SDK1: variants seen among roughly 807,000 people sequenced by gnomAD.
SDK1 encodes protein sidekick-1.
Under a neutral mutation model 245.5 loss-of-function variants are expected in SDK1, and 157 were observed. The observed-to-expected ratio is 0.64, with a 90% CI of 0.56 to 0.73. The LOEUF (loss-of-function observed/expected upper bound fraction) is 0.73, where lower values mean the gene tolerates loss of function less well. Among genes scored for constraint, SDK1 ranks in the 30% least tolerant of loss-of-function variants. The pLI, the probability that SDK1 is intolerant of heterozygous loss-of-function variation, is 0.00. For missense variants in SDK1, 3,583 were observed against 3,002.3 expected, an observed-to-expected ratio of 1.19 and a Z score of -4.52; for synonymous variants, 1,647 against 1,278.5, an observed-to-expected ratio of 1.29 and a Z score of -6.15.
chr7:4,079,631 T>G lies in SDK1; in HGVS notation c.3324+47T>G, dbSNP rs1233605413. On this transcript the variant is annotated intron_variant, in intron 22 of 44. Coordinates refer to ENST00000404826, the MANE Select transcript of SDK1 (RefSeq NM_152744.4). ...GAGCTGGCATTTGCGAAGAGCAGTG[T>G]TGGGGCCTGTGAATGAGTGGTACCC... The G allele has an allele frequency of 3.7e-6, 6 of 1,607,950 alleles. No individual in the cohort carries two copies. In the South Asian group the frequency reaches 6.6e-5, roughly 18 times the overall value.
At chr7:3,614,771 C>T (rs1483486578) in intron 1 of SDK1, among the ~76,000 whole-genome samples, 2 of 152,140 alleles carry the variant, frequency 1.3e-5, no homozygotes, top group African/African-American at 2.4e-5. Context: ...TTAATTTGAA[C>T]GCTTAAAATT....
chr7:3,473,376 G>T (rs905552322), intron 1 of SDK1, among the ~76,000 whole-genome samples: 1 of 152,156 alleles, frequency 6.6e-6, no homozygotes, highest in Non-Finnish European at 1.5e-5. Flanking sequence ...TAATTACTTG[G>T]CTTGTACCTT....
intron 44 of SDK1, among the ~76,000 whole-genome samples, chr7:4,258,914 G>A (rs1250193826): frequency 6.6e-6 from 1 of 152,194 alleles, no homozygotes; most frequent in African/African-American, 2.4e-5. Flanking sequence ...AATTTCTCGT[G>A]AGAAAAGTGA....
chr7:3,612,190 G>T (rs139006212), intron 1 of SDK1, among the ~76,000 whole-genome samples: 312 of 152,144 alleles, frequency 2.1e-3, no homozygotes, highest in Non-Finnish European at 3.8e-3. Flanking sequence ...CACCACTAAA[G>T]AACTTACTCG....
chr7:4,012,525 C>T (rs1037647579), intron 16 of SDK1, among the ~76,000 whole-genome samples: 1 of 114,904 alleles, frequency 8.7e-6, no homozygotes, highest in African/African-American at 3.2e-5. Flanking sequence ...GGGTTGGAAG[C>T]AAGGTATATT....
At chr7:3,325,113 CTT>C (rs750169876) in intron 1 of SDK1, among the ~76,000 whole-genome samples, 1 of 145,998 alleles carries the variant, frequency 6.8e-6, no homozygotes. Context: ...TACCAAACCA[CTT>C]TTTTTTTTTG....
At chr7:3,716,262 TG>T (rs1242925758) in intron 4 of SDK1, among the ~76,000 whole-genome samples, 4 of 151,188 alleles carry the variant, frequency 2.6e-5, no homozygotes, top group East Asian at 1.9e-4. Flanking sequence ...CTTTCTAAAT[TG>T]GGGGAAAAAA....
intron 5 of SDK1, among the ~76,000 whole-genome samples, chr7:3,906,143 T>A (rs556159805): frequency 6.6e-6 from 1 of 152,320 alleles, no homozygotes; most frequent in Admixed American, 6.5e-5. Context: ...TCTTACCTGA[T>A]GTTTGTCCTC....
intron 1 of SDK1, among the ~76,000 whole-genome samples, chr7:3,519,220 C>G (rs1434742422): frequency 6.6e-6 from 1 of 152,064 alleles, no homozygotes; most frequent in East Asian, 1.9e-4. Flanking sequence ...TTCAAGTCTT[C>G]CATAGCACTG....
chr7:3,925,323 G>A (rs1430713454), intron 5 of SDK1, among the ~76,000 whole-genome samples: 1 of 152,214 alleles, frequency 6.6e-6, no homozygotes, highest in African/African-American at 2.4e-5. Flanking sequence ...AGGAGGAGAA[G>A]CTGCGTAGAA....
chr7:3,885,176 G>A (rs1045602122), intron 5 of SDK1, among the ~76,000 whole-genome samples: 5 of 152,144 alleles, frequency 3.3e-5, no homozygotes, highest in African/African-American at 7.2e-5. Flanking sequence ...CTGTGGGTCC[G>A]AGAGGCCTTC....
intron 1 of SDK1, among the ~76,000 whole-genome samples, chr7:3,439,699 G>A (rs1299692037): frequency 6.6e-6 from 1 of 152,230 alleles, no homozygotes; most frequent in East Asian, 1.9e-4. Context: ...ATAAGATACA[G>A]CTTGCTTTAT....
At chr7:4,149,055 A>AAAAAC (rs59907207) in intron 29 of SDK1, among the ~76,000 whole-genome samples, 3,936 of 151,478 alleles carry the variant, frequency 0.026, 151 homozygotes, top group African/African-American at 0.076. Context: ...ACTCTGTCTC[A>AAAAAC]AAAACAAAAC....
At chr7:4,006,526 G>C (rs925929663) in intron 14 of SDK1, among the ~76,000 whole-genome samples, 2 of 152,178 alleles carry the variant, frequency 1.3e-5, no homozygotes, top group African/African-American at 4.8e-5. Context: ...GAACAGACTT[G>C]CTATTTAAAT....
intron 4 of SDK1, among the ~76,000 whole-genome samples, chr7:3,655,456 T>C (rs1449198623): frequency 8.6e-4 from 7 of 8,152 alleles, no homozygotes; most frequent in Non-Finnish European, 2.7e-3. Context: ...CAAATATATA[T>C]ATATATATAT....
At chr7:4,235,740 A>T (rs1451941817) in intron 41 of SDK1, among the ~76,000 whole-genome samples, 2 of 152,046 alleles carry the variant, frequency 1.3e-5, no homozygotes, top group Admixed American at 6.5e-5. Flanking sequence ...CCTCTCTGAA[A>T]CTCCATCAGA....
intron 5 of SDK1, among the ~76,000 whole-genome samples, chr7:3,848,653 A>G (rs765032925): frequency 2.0e-5 from 3 of 152,056 alleles, no homozygotes; most frequent in Non-Finnish European, 4.4e-5. Context: ...ACGTTCTGCA[A>G]TGACTATAGA....
At chr7:3,768,534 C>G (rs2114997367) in intron 4 of SDK1, among the ~76,000 whole-genome samples, 1 of 152,334 alleles carries the variant, frequency 6.6e-6, no homozygotes, top group East Asian at 1.9e-4. Flanking sequence ...GTCTGATAAT[C>G]TGAATGGATA....
intron 1 of SDK1, among the ~76,000 whole-genome samples, chr7:3,504,780 G>GAAA (rs35690254): frequency 1.4e-5 from 2 of 144,230 alleles, no homozygotes; most frequent in Non-Finnish European, 3.1e-5. Context: ...ACAACAGAAG[G>GAAA]AAAAAAAAAA....
Sources: allele counts gnomAD v4.1 joint callset (sites outside exome capture counted in the v4.1 genomes callset), GRCh38; gene constraint gnomAD v4.1.1; transcripts MANE v1.5; gene names NCBI Gene and HGNC (gene_info 2026-07-23, HGNC 2026-07-21).